The following TTC28 variants were observed in gnomAD, a reference collection of about 807,000 sequenced individuals.
The protein encoded by TTC28 is tetratricopeptide repeat domain 28.
In TTC28, 61 loss-of-function variants were observed where a neutral mutation model predicts 198.0. The observed-to-expected ratio is 0.31, with a 90% CI of 0.25 to 0.38. The LOEUF is 0.38. TTC28 is among the 10% of genes least tolerant of loss of function. The pLI, the probability that TTC28 is intolerant of heterozygous loss-of-function variation, is 1.00. For synonymous variants in TTC28, 1,171 were observed against 1,297.8 expected (o/e 0.90, Z 2.10); for missense variants, 2,678 against 3,164.0 (o/e 0.85, Z 3.69).
rs1034954264 is a variant in TTC28, at chr22:28,328,780, T to C, written c.382-22137A>G. Among the ~76,000 whole-genome samples the C allele has an allele frequency of 1.2e-4, 17 of 146,362 alleles. 1 individual carries two copies. The East Asian group carries it at 3.1e-3, about 27-fold the overall frequency. ...AAAATAATAATAATAATAATAATAATAATAATAATAATAATAATAATAATA... is the reference window on the plus strand; with the variant it reads ...AAAATAATAATAATAATAATAATAACAATAATAATAATAATAATAATAATA... On this transcript the variant is annotated intron_variant, in intron 2 of 22. Transcript: ENST00000397906.
intron 5 of TTC28, among the ~76,000 whole-genome samples, chr22:28,251,356 T>C (rs1245518488): frequency 6.6e-6 from 1 of 152,198 alleles, no homozygotes; most frequent in Non-Finnish European, 1.5e-5. Flanking sequence ...GCTGTAGCTA[T>C]TTATTTATTA....
chr22:28,498,133 T>A (rs1382877570), intron 2 of TTC28, among the ~76,000 whole-genome samples: 2 of 151,020 alleles, frequency 1.3e-5, no homozygotes, highest in Non-Finnish European at 3.0e-5. Context: ...GACCTGAGCC[T>A]TCCGTTAAAA....
chr22:28,602,799 AAAAT>A (rs1362404683), intron 2 of TTC28, among the ~76,000 whole-genome samples: 15 of 152,248 alleles, frequency 9.9e-5, no homozygotes, highest in Admixed American at 3.3e-4. Context: ...AAGAAGGTAA[AAAAT>A]AAATGACATG....
chr22:28,536,102 G>A lies in TTC28; in HGVS notation c.381+93450C>T, dbSNP rs151080980. Among the ~76,000 whole-genome samples, 504 of 150,364 alleles carry A rather than the reference G, an allele frequency of 3.4e-3. 2 individuals are homozygous for A. The highest frequency in any genetic ancestry group is 8.9e-3 in the East Asian group (45 of 5,054). Reference sequence around the variant, plus strand: ...AGTCCCAGCTACTAGGAGAGGCTGAGGCAGGAGAATGGCGGGAACCCGGGA... The same window carrying A: ...AGTCCCAGCTACTAGGAGAGGCTGAAGCAGGAGAATGGCGGGAACCCGGGA... On this transcript the variant is annotated intron_variant, in intron 2 of 22. Coordinates refer to ENST00000397906, the MANE Select transcript of TTC28 (RefSeq NM_001145418.2).
intron 2 of TTC28, among the ~76,000 whole-genome samples, chr22:28,529,793 G>T (rs1477221863): frequency 6.6e-6 from 1 of 152,136 alleles, no homozygotes; most frequent in African/African-American, 2.4e-5. Flanking sequence ...AGGCAAACAG[G>T]GTCTGGAGTG....
At chr22:28,571,654 A>C (rs1011462178) in intron 2 of TTC28, among the ~76,000 whole-genome samples, 3 of 152,218 alleles carry the variant, frequency 2.0e-5, no homozygotes, top group African/African-American at 7.2e-5. Flanking sequence ...CGGTTAACAT[A>C]ATGTATACTC....
intron 9 of TTC28, 98 bp from the exon 10 acceptor site, chr22:28,099,142 C>T (rs897521338): frequency 6.9e-7 from 1 of 1,440,646 alleles, no homozygotes; most frequent in Non-Finnish European, 9.3e-7. Flanking sequence ...TTGTGCACAA[C>T]CTAAATATTT....
chr22:28,327,513 A>G (rs2045551427), intron 2 of TTC28, among the ~76,000 whole-genome samples: 1 of 152,218 alleles, frequency 6.6e-6, no homozygotes, highest in African/African-American at 2.4e-5. Flanking sequence ...AAACAGAAGC[A>G]CATATAAAAG....
At chr22:28,676,961 C>A (rs981385761) in intron 1 of TTC28, among the ~76,000 whole-genome samples, 2 of 151,420 alleles carry the variant, frequency 1.3e-5, no homozygotes, top group South Asian at 4.2e-4. Flanking sequence ...TCAAAACCAG[C>A]CTGGACAACA....
In TTC28 at chr22:28,530,642, T is replaced by C. The variant is rs183341120; in HGVS notation, c.381+98910A>G. ...CAAAGTTGAAATGAAGGAAAAAATA[T>C]TAAGGGCAGCCAGAGAGAAAGGTCG... On this transcript the variant is annotated intron_variant, in intron 2 of 22. Transcript: ENST00000397906. Among the ~76,000 whole-genome samples the C allele has an allele frequency of 2.6e-5, 4 of 152,204 alleles. No individual in the cohort carries two copies. In the East Asian group the frequency reaches 7.7e-4, roughly 29 times the overall value.
At chr22:28,631,056 C>G (rs1181987547) in intron 1 of TTC28, among the ~76,000 whole-genome samples, 1 of 152,120 alleles carries the variant, frequency 6.6e-6, no homozygotes, top group South Asian at 2.1e-4. Flanking sequence ...GAATTTAATA[C>G]TATAGTGTGC....
intron 2 of TTC28, among the ~76,000 whole-genome samples, chr22:28,541,716 T>A (rs772714863): frequency 6.6e-6 from 1 of 151,636 alleles, no homozygotes; most frequent in South Asian, 2.1e-4. Flanking sequence ...TAAATATATA[T>A]ATATATAGAA....
intron 2 of TTC28, among the ~76,000 whole-genome samples, chr22:28,623,811 T>G (rs1430833410): frequency 6.6e-6 from 1 of 152,010 alleles, no homozygotes; most frequent in African/African-American, 2.4e-5. Context: ...CAATAATGTG[T>G]TTACAAGGAA....
chr22:28,625,023 AAATAGACAAAATTTGACACCCACTCAT>A (rs1287425860), intron 2 of TTC28, among the ~76,000 whole-genome samples: 1 of 152,138 alleles, frequency 6.6e-6, no homozygotes, highest in African/African-American at 2.4e-5. Context: ...GATGAAGAAA[AAATAGACAAAATTTGACACCCACTCAT>A]AATAGAAATT....
rs117216175 is a variant in TTC28 at position 28,308,980 on chromosome 22, A to G, written c.382-2337T>C. Among the ~76,000 whole-genome samples the G allele has an allele frequency of 3.1e-3, 470 of 152,282 alleles. 3 individuals carry two copies. The highest frequency in any genetic ancestry group is 4.8e-3 in the Non-Finnish European group (328 of 68,030). On this transcript the variant is annotated intron_variant, in intron 2 of 22. Transcript: ENST00000397906. ...CTCTCCCAACATTTATCCATGCAAT[A>G]TTCATTGCATGTACAAATGGCTGTT...
At chr22:28,472,546 A>ATGTGTGTGTGTGTGTG (rs755019373) in intron 2 of TTC28, among the ~76,000 whole-genome samples, 1 of 88,928 alleles carries the variant, frequency 1.1e-5, no homozygotes, top group Non-Finnish European at 2.6e-5. Flanking sequence ...CAAAAAGAAA[A>ATGTGTGTGTGTGTGTG]TGTGTATGTG....
At chr22:28,545,361 G>A (rs977308368) in intron 2 of TTC28, among the ~76,000 whole-genome samples, 1 of 152,072 alleles carries the variant, frequency 6.6e-6, no homozygotes, top group Non-Finnish European at 1.5e-5. Context: ...CTTAAAGTCA[G>A]GAGTTCAAGA....
chr22:28,549,456 T>C (rs2049615304), intron 2 of TTC28, among the ~76,000 whole-genome samples: 3 of 152,234 alleles, frequency 2.0e-5, no homozygotes, highest in Non-Finnish European at 4.4e-5. Context: ...CTTATTCATT[T>C]ACTCATTCAA....
At chr22:28,164,580 G>A (rs1002853702) in intron 5 of TTC28, among the ~76,000 whole-genome samples, 6 of 152,086 alleles carry the variant, frequency 3.9e-5, no homozygotes, top group African/African-American at 1.4e-4. Context: ...TGCAGCTGAG[G>A]GTCCTGACTG....
Sources: allele counts gnomAD v4.1 joint callset (sites outside exome capture counted in the v4.1 genomes callset), GRCh38; gene constraint gnomAD v4.1.1; transcripts MANE v1.5; gene names NCBI Gene and HGNC (gene_info 2026-07-23, HGNC 2026-07-21).